C12orf75: variants seen among roughly 807,000 people sequenced by gnomAD.
The protein encoded by C12orf75 is overexpressed in colon carcinoma 1 protein.
In C12orf75, 4 loss-of-function variants were observed where a neutral mutation model predicts 11.4. The ratio of observed to expected loss-of-function variants is 0.35; its 90% CI spans 0.17 to 0.80. C12orf75 has a LOEUF of 0.80. Among genes scored for constraint, C12orf75 ranks in the 30% least tolerant of loss-of-function variants. The probability of loss-of-function intolerance (pLI) is 0.52; values close to 1 mark genes in which losing one functional copy is unlikely to be tolerated. For missense variants in C12orf75, 89 were observed against 80.4 expected (o/e 1.11, Z -0.41); for synonymous variants, 30 against 30.0 (o/e 1.00, Z 0.00).
chr12:105,348,567 A>G (rs950344418), intron 1 of C12orf75, 35 bp from the exon 2 acceptor site: 11 of 1,465,398 alleles, frequency 7.5e-6, no homozygotes, highest in African/African-American at 1.4e-5. Flanking sequence ...CAATACTATC[A>G]CACCAATACA....
chr12:105,361,019 G>A (rs945132121), intron 2 of C12orf75, among the ~76,000 whole-genome samples: 4 of 151,990 alleles, frequency 2.6e-5, no homozygotes, highest in African/African-American at 9.7e-5. Context: ...CAGGTGATCC[G>A]CCTGTCTCGG....
chr12:105,348,418 C>CA (rs35593271), intron 1 of C12orf75, among the ~76,000 whole-genome samples, 184 bp from the exon 2 acceptor site: 2,175 of 116,078 alleles, frequency 0.019, 63 homozygotes, highest in African/African-American at 0.06. Flanking sequence ...GTATCTGAAA[C>CA]AAAAAAAAAA....
At chr12:105,342,361 T>TG (rs1210296717) in intron 1 of C12orf75, among the ~76,000 whole-genome samples, 1 of 152,192 alleles carries the variant, frequency 6.6e-6, no homozygotes. Flanking sequence ...GGCCCCTTCT[T>TG]GCGCTCTTGC....
intron 2 of C12orf75, among the ~76,000 whole-genome samples, chr12:105,350,510 G>A (rs1355393197): frequency 1.3e-5 from 2 of 152,170 alleles, no homozygotes; most frequent in East Asian, 1.9e-4. Context: ...TTATAGAAAT[G>A]ACATCTGTTC....
intron 2 of C12orf75, among the ~76,000 whole-genome samples, chr12:105,362,666 CAAAA>C (rs71072606): frequency 9.5e-6 from 1 of 105,566 alleles, no homozygotes; most frequent in Non-Finnish European, 2.1e-5. Context: ...GACTCCGTCT[CAAAA>C]AAAAAAAAAA....
intron 1 of C12orf75, among the ~76,000 whole-genome samples, chr12:105,332,076 T>C (rs1258170800): frequency 6.6e-6 from 1 of 152,170 alleles, no homozygotes; most frequent in Admixed American, 6.5e-5. Context: ...GAGAGCGAAC[T>C]TTTTAGATTC....
At chr12:105,361,106 T>A (rs1892859637) in intron 2 of C12orf75, among the ~76,000 whole-genome samples, 1 of 152,028 alleles carries the variant, frequency 6.6e-6, no homozygotes, top group South Asian at 2.1e-4. Context: ...CAACGTACCC[T>A]TTTCCCTCAC....
At chr12:105,345,306 T>C (rs1265139639) in intron 1 of C12orf75, among the ~76,000 whole-genome samples, 1 of 151,890 alleles carries the variant, frequency 6.6e-6, no homozygotes, top group Admixed American at 6.6e-5. Context: ...CTCGGCAACA[T>C]GGTGAAACCC....
intron 2 of C12orf75, among the ~76,000 whole-genome samples, chr12:105,364,837 C>CTTTTTTTTTTTTTTTTT (rs71440583): frequency 8.0e-6 from 1 of 125,698 alleles, no homozygotes; most frequent in African/African-American, 3.0e-5. Context: ...ATATGGACTC[C>CTTTTTTTTTTTTTTTTT]TTTTTTTTTT....
chr12:105,346,561 G>C (rs2136144395), intron 1 of C12orf75, among the ~76,000 whole-genome samples: 1 of 152,098 alleles, frequency 6.6e-6, no homozygotes, highest in South Asian at 2.1e-4. Context: ...AATAATCTCT[G>C]ATTCTAAAGT....
intron 2 of C12orf75, among the ~76,000 whole-genome samples, chr12:105,357,488 A>C (rs963239691): frequency 6.6e-6 from 1 of 152,234 alleles, no homozygotes; most frequent in African/African-American, 2.4e-5. Context: ...CTGAGGATTT[A>C]TCTTTTCAAC....
chr12:105,336,057 G>T (rs1322143139), intron 1 of C12orf75, among the ~76,000 whole-genome samples: 1 of 152,218 alleles, frequency 6.6e-6, no homozygotes, highest in East Asian at 1.9e-4. Context: ...ACTTTATTTG[G>T]CTTTGAAGAA....
chr12:105,368,627 G>A (rs1214114796), intron 5 of C12orf75, among the ~76,000 whole-genome samples: 3 of 152,150 alleles, frequency 2.0e-5, no homozygotes, highest in Non-Finnish European at 2.9e-5. Context: ...ATTTGATACT[G>A]AACCAACTTC....
chr12:105,352,854 A>G (rs1401508970), intron 2 of C12orf75, among the ~76,000 whole-genome samples: 1 of 152,234 alleles, frequency 6.6e-6, no homozygotes, highest in African/African-American at 2.4e-5. Flanking sequence ...AATCACCATA[A>G]GAAAAAGCCT....
At chr12:105,370,394 T>C (rs111879637) in intron 5 of C12orf75, among the ~76,000 whole-genome samples, 1 of 152,356 alleles carries the variant, frequency 6.6e-6, no homozygotes, top group African/African-American at 2.4e-5. Context: ...CTTATCAAGA[T>C]GTATTTTAAT....
At chr12:105,332,898 A>G (rs576073134) in intron 1 of C12orf75, among the ~76,000 whole-genome samples, 2 of 150,848 alleles carry the variant, frequency 1.3e-5, no homozygotes, top group South Asian at 2.1e-4. Flanking sequence ...CCCTAGGAGC[A>G]TCTCTCTTAT....
At chr12:105,348,377 T>C (rs1287058377) in intron 1 of C12orf75, among the ~76,000 whole-genome samples, 1 of 145,806 alleles carries the variant, frequency 6.9e-6, no homozygotes, top group Non-Finnish European at 1.5e-5. Context: ...ATTGCATCAC[T>C]GCACTCCAGC....
intron 2 of C12orf75, among the ~76,000 whole-genome samples, chr12:105,362,943 C>G (rs1417783310): frequency 6.6e-6 from 1 of 152,230 alleles, no homozygotes; most frequent in African/African-American, 2.4e-5. Context: ...GTTACACAAT[C>G]AGGTTGAGAG....
Position 105,365,835 on chromosome 12 carries a change from A to AAG in C12orf75, c.103_104dup (p.Arg36GlyfsTer33). ...AGAAGAATCCGTAACAGAAGATGAC[A>AAG]AGAGGAGGTATGTTTGGTATTGCAG... On this transcript the variant is annotated frameshift_variant, in exon 3 of 6. Coordinates refer to ENST00000443585, the MANE Select transcript of C12orf75 (RefSeq NM_001145199.2). LOFTEE classifies it high-confidence loss of function. 1 of 1,548,732 alleles carries AAG rather than the reference A, an allele frequency of 6.5e-7. No individual in the cohort carries two copies. The highest frequency in any genetic ancestry group is 2.4e-5 in the East Asian group (1 of 40,898).
Sources: gnomAD v4.1 joint callset for allele counts (sites outside exome capture counted in the v4.1 genomes callset) on GRCh38, gnomAD v4.1.1 for gene constraint, MANE v1.5 for transcripts, NCBI Gene and HGNC (gene_info 2026-07-23, HGNC 2026-07-21) for gene names.